Variants in HPSE2 observed in about 807,000 individuals in gnomAD.
HPSE2 encodes the protein inactive heparanase-2.
A neutral mutation model predicts 60.5 loss-of-function variants in HPSE2; 38 were observed. The observed-to-expected ratio is 0.63, with a 90% CI of 0.48 to 0.82. The LOEUF is 0.82. Among genes scored for constraint, HPSE2 ranks in the 40% least tolerant of loss-of-function variants. The pLI, the probability that HPSE2 is intolerant of heterozygous loss-of-function variation, is 0.00. For missense variants in HPSE2, 713 were observed against 740.4 expected, an observed-to-expected ratio of 0.96 and a Z score of 0.43; for synonymous variants, 295 against 293.2, an observed-to-expected ratio of 1.01 and a Z score of -0.06.
intron 9 of HPSE2, among the ~76,000 whole-genome samples, chr10:98,568,910 G>A (rs925790455): frequency 5.5e-5 from 2 of 36,436 alleles, no homozygotes; most frequent in Admixed American, 8.8e-4. Flanking sequence ...ACGGGTTTGG[G>A]GTTTTTTTGG....
intron 9 of HPSE2, among the ~76,000 whole-genome samples, chr10:98,540,028 C>T (rs2133820903): frequency 6.6e-6 from 1 of 152,326 alleles, no homozygotes; most frequent in Admixed American, 6.5e-5. Context: ...CTGGGGTAAG[C>T]CACTTACACA....
intron 2 of HPSE2, among the ~76,000 whole-genome samples, chr10:99,169,769 C>CCCCCTAA (rs1847238800): frequency 6.6e-6 from 1 of 151,938 alleles, no homozygotes; most frequent in Non-Finnish European, 1.5e-5. Flanking sequence ...GGGGAAAAGT[C>CCCCCTAA]CCCCTAATTT....
At chr10:98,464,905 T>C (rs889152703) in intron 11 of HPSE2, among the ~76,000 whole-genome samples, 2 of 152,220 alleles carry the variant, frequency 1.3e-5, no homozygotes, top group Non-Finnish European at 2.9e-5. Flanking sequence ...CATTCCAACC[T>C]GACATAAGAC....
intron 3 of HPSE2, among the ~76,000 whole-genome samples, chr10:99,137,788 C>T (rs945175458): frequency 1.3e-5 from 2 of 152,106 alleles, no homozygotes; most frequent in African/African-American, 4.8e-5. Context: ...CTTAAAAATC[C>T]TAGAAGAAAA....
intron 9 of HPSE2, among the ~76,000 whole-genome samples, chr10:98,585,929 G>A (rs1247383466): frequency 7.0e-6 from 1 of 141,886 alleles, no homozygotes; most frequent in Non-Finnish European, 1.5e-5. Flanking sequence ...TCCAGCCAGG[G>A]TGACAGAGCA....
intron 7 of HPSE2, among the ~76,000 whole-genome samples, chr10:98,623,503 A>G (rs2133992350): frequency 6.6e-6 from 1 of 152,324 alleles, no homozygotes; most frequent in South Asian, 2.1e-4. Flanking sequence ...TGTGAATTAT[A>G]TCTCAGTAAA....
chr10:98,715,974 T>A (rs955202616), intron 5 of HPSE2, among the ~76,000 whole-genome samples: 1 of 152,070 alleles, frequency 6.6e-6, no homozygotes, highest in South Asian at 2.1e-4. Context: ...ATACCCACAG[T>A]AGAAACTCTT....
chr10:98,577,767 T>C (rs999662303), intron 9 of HPSE2, among the ~76,000 whole-genome samples: 5 of 152,142 alleles, frequency 3.3e-5, no homozygotes, highest in Admixed American at 3.3e-4. Flanking sequence ...TCTAAAACAG[T>C]GCTCCCCTGA....
chr10:98,950,329 G>A lies in HPSE2; in HGVS notation c.610+193909C>T, dbSNP rs1375832921. Among the ~76,000 whole-genome samples, 4 of 152,034 alleles carry A rather than the reference G, an allele frequency of 2.6e-5. No homozygotes were observed. In the East Asian group the frequency reaches 7.7e-4, roughly 29 times the overall value. On this transcript the variant is annotated intron_variant, in intron 3 of 11. Coordinates refer to ENST00000370552, the MANE Select transcript of HPSE2 (RefSeq NM_021828.5). ...ACCCACACACAAGGATTACCCAAAG[G>A]CATAAATACCCAGGAGTAGGGATTA...
chr10:98,875,316 T>C (rs1952847217), intron 3 of HPSE2, among the ~76,000 whole-genome samples: 1 of 151,920 alleles, frequency 6.6e-6, no homozygotes, highest in African/African-American at 2.4e-5. Flanking sequence ...AAGAATCAAA[T>C]AGTCACAATA....
intron 3 of HPSE2, among the ~76,000 whole-genome samples, chr10:98,958,826 G>C (rs1484024910): frequency 6.6e-6 from 1 of 152,148 alleles, no homozygotes; most frequent in East Asian, 1.9e-4. Context: ...ATTTCTACTG[G>C]ATTAAATTCC....
At chr10:98,646,603 C>G (rs897443813) in intron 6 of HPSE2, among the ~76,000 whole-genome samples, 1 of 152,166 alleles carries the variant, frequency 6.6e-6, no homozygotes, top group African/African-American at 2.4e-5. Flanking sequence ...ATTCCTACCT[C>G]TAGATTGGCA....
chr10:98,810,860 C>A (rs557826221), intron 3 of HPSE2, among the ~76,000 whole-genome samples: 2 of 152,166 alleles, frequency 1.3e-5, no homozygotes, highest in East Asian at 3.9e-4. Flanking sequence ...TGTCCTGGGC[C>A]ACATGCAGCC....
intron 3 of HPSE2, among the ~76,000 whole-genome samples, chr10:98,800,879 G>A (rs1950890275): frequency 6.6e-6 from 1 of 152,218 alleles, no homozygotes; most frequent in South Asian, 2.1e-4. Flanking sequence ...ATTCTGTGAG[G>A]CTAGTGATAC....
chr10:98,991,136 T>TA (rs1318712432), intron 3 of HPSE2, among the ~76,000 whole-genome samples: 1 of 152,190 alleles, frequency 6.6e-6, no homozygotes, highest in Admixed American at 6.5e-5. Context: ...CATCAAGTGT[T>TA]ATAACACATA....
At chr10:98,625,315 C>T (rs1946178600) in intron 7 of HPSE2, among the ~76,000 whole-genome samples, 1 of 152,180 alleles carries the variant, frequency 6.6e-6, no homozygotes, top group South Asian at 2.1e-4. Context: ...TAGAGAAGAG[C>T]AACATGCTTA....
intron 9 of HPSE2, among the ~76,000 whole-genome samples, chr10:98,506,761 G>A (rs1368461822): frequency 1.3e-5 from 2 of 152,182 alleles, no homozygotes; most frequent in South Asian, 2.1e-4. Flanking sequence ...TCTGAACCCG[G>A]CCTGATTTTC....
In HPSE2 at chr10:98,808,783, A is replaced by G. The variant is rs193042855; in HGVS notation, c.611-64727T>C. On this transcript the variant is annotated intron_variant, in intron 3 of 11. Coordinates refer to ENST00000370552, the MANE Select transcript of HPSE2 (RefSeq NM_021828.5). ...CTATATAAAGACTTATATTCCCATT[A>G]TTACATTTAGAGTGCCCTTCAAAGG... Among the ~76,000 whole-genome samples, 99 of 152,256 alleles carry G rather than the reference A, an allele frequency of 6.5e-4. 1 individual carries two copies. Among genetic ancestry groups the G allele is most frequent in the African/African-American group, 2.4e-3 (99 of 41,560 alleles).
intron 3 of HPSE2, among the ~76,000 whole-genome samples, chr10:99,033,930 C>G (rs954378259): frequency 6.6e-6 from 1 of 152,176 alleles, no homozygotes; most frequent in Non-Finnish European, 1.5e-5. Flanking sequence ...CCTATAAACA[C>G]ACACTTACAT....
Sources: gnomAD v4.1 joint callset for allele counts (sites outside exome capture counted in the v4.1 genomes callset) on GRCh38, gnomAD v4.1.1 for gene constraint, MANE v1.5 for transcripts, NCBI Gene and HGNC (gene_info 2026-07-23, HGNC 2026-07-21) for gene names.